The following RBFOX1 variants were observed in gnomAD, a reference collection of about 807,000 sequenced individuals.
The protein encoded by RBFOX1 is RNA binding fox-1 homolog 1, also known as RNA binding protein fox-1 homolog 1.
RBFOX1 carries 8 observed loss-of-function variants against 57.7 expected under a neutral mutation model. That is an observed-to-expected ratio of 0.14 (90% CI 0.08 to 0.25). RBFOX1 has a LOEUF of 0.25. RBFOX1 is among the 10% of genes least tolerant of loss of function. The pLI, the probability that RBFOX1 is intolerant of heterozygous loss-of-function variation, is 1.00. For synonymous variants in RBFOX1, 326 were observed against 222.4 expected, an observed-to-expected ratio of 1.47 and a Z score of -4.15; for missense variants, 611 against 548.5, an observed-to-expected ratio of 1.11 and a Z score of -1.14.
chr16:6,883,300 T>G (rs1292591882), intron 3 of RBFOX1, among the ~76,000 whole-genome samples: 1 of 152,214 alleles, frequency 6.6e-6, no homozygotes, highest in African/African-American at 2.4e-5. Context: ...ATGCTACTTT[T>G]TGTTGGAGCC....
chr16:6,346,537 C>A (rs888875033), intron 2 of RBFOX1, among the ~76,000 whole-genome samples: 3 of 152,184 alleles, frequency 2.0e-5, no homozygotes, highest in African/African-American at 7.2e-5. Flanking sequence ...GCTTCCCTAC[C>A]TCACTTCTGT....
chr16:7,083,104 G>T (rs2059445438), intron 4 of RBFOX1, among the ~76,000 whole-genome samples: 1 of 152,154 alleles, frequency 6.6e-6, no homozygotes, highest in African/African-American at 2.4e-5. Context: ...AAGGAACAAG[G>T]TTTGAGGAAT....
chr16:6,932,040 A>G (rs762125173), intron 3 of RBFOX1, among the ~76,000 whole-genome samples: 12 of 152,046 alleles, frequency 7.9e-5, no homozygotes, highest in South Asian at 2.1e-4. Context: ...TCCTGCAACA[A>G]TCCATTCTTG....
At chr16:7,469,733 A>G (rs1010965467) in intron 4 of RBFOX1, among the ~76,000 whole-genome samples, 9 of 152,178 alleles carry the variant, frequency 5.9e-5, no homozygotes, top group African/African-American at 2.2e-4. Flanking sequence ...TGTACAATTC[A>G]GTAGCATTAA....
intron 5 of RBFOX1, among the ~76,000 whole-genome samples, chr16:7,539,344 G>C (rs2082302728): frequency 6.6e-6 from 1 of 152,126 alleles, no homozygotes; most frequent in African/African-American, 2.4e-5. Context: ...ATTCCAGGAA[G>C]AGTGAAGAGT....
intron 3 of RBFOX1, among the ~76,000 whole-genome samples, chr16:6,964,145 G>A (rs371835368): frequency 1.3e-5 from 2 of 152,110 alleles, no homozygotes; most frequent in South Asian, 2.1e-4. Context: ...AGCCTCCCAA[G>A]TAGGTGAGAT....
chr16:5,567,289 C>T (rs2046107046), intron 2 of RBFOX1, among the ~76,000 whole-genome samples: 1 of 152,180 alleles, frequency 6.6e-6, no homozygotes, highest in African/African-American at 2.4e-5. Context: ...CGTCACTTTG[C>T]AGTGGCTGTG....
At chr16:6,291,069 G>T (rs2077418875) in intron 1 of RBFOX1, among the ~76,000 whole-genome samples, 1 of 152,146 alleles carries the variant, frequency 6.6e-6, no homozygotes, top group Non-Finnish European at 1.5e-5. Flanking sequence ...TGTTGCCATG[G>T]CATCTGTAAA....
intron 4 of RBFOX1, among the ~76,000 whole-genome samples, chr16:7,351,030 A>T (rs1487819849): frequency 6.6e-6 from 1 of 152,190 alleles, no homozygotes; most frequent in African/African-American, 2.4e-5. Context: ...GTGCCCATGG[A>T]CTAGGTTTTC....
At chr16:5,564,906 G>A (rs1007783608) in intron 2 of RBFOX1, among the ~76,000 whole-genome samples, 41 of 152,186 alleles carry the variant, frequency 2.7e-4, no homozygotes, top group East Asian at 1.2e-3. Flanking sequence ...GTGAGATGCC[G>A]GTGGAACACA....
intron 3 of RBFOX1, among the ~76,000 whole-genome samples, chr16:6,798,079 A>G (rs1204863135): frequency 6.6e-6 from 1 of 152,126 alleles, no homozygotes; most frequent in Non-Finnish European, 1.5e-5. Context: ...TAGAAAGACT[A>G]TAAATATATG....
intron 4 of RBFOX1, among the ~76,000 whole-genome samples, chr16:5,890,602 C>T (rs769116267): frequency 6.8e-6 from 1 of 147,206 alleles, no homozygotes; most frequent in Non-Finnish European, 1.5e-5. Context: ...GAGGCTGAAG[C>T]AGGAGAATCG....
intron 2 of RBFOX1, among the ~76,000 whole-genome samples, chr16:6,506,966 T>C (rs2096115650): frequency 6.6e-6 from 1 of 152,142 alleles, no homozygotes; most frequent in Non-Finnish European, 1.5e-5. Context: ...AGCTAATCTT[T>C]AGTGTGGGAT....
At chr16:5,455,926 A>G (rs964086094) in intron 1 of RBFOX1, among the ~76,000 whole-genome samples, 6 of 152,180 alleles carry the variant, frequency 3.9e-5, no homozygotes, top group African/African-American at 1.2e-4. Flanking sequence ...CATTAACCTA[A>G]GGCTTCCAGT....
At chr16:7,056,273 C>G (rs192765702) in intron 4 of RBFOX1, among the ~76,000 whole-genome samples, 8 of 152,282 alleles carry the variant, frequency 5.3e-5, no homozygotes, top group African/African-American at 1.9e-4. Flanking sequence ...TCGGTTGTTA[C>G]GCACACTACA....
chr16:6,116,962 T>C (rs2096502819), intron 1 of RBFOX1, among the ~76,000 whole-genome samples: 1 of 152,174 alleles, frequency 6.6e-6, no homozygotes, highest in South Asian at 2.1e-4. Flanking sequence ...ATAATCTCCG[T>C]TGGCAGATAC....
At chr16:7,278,184 A>G (rs554428223) in intron 4 of RBFOX1, among the ~76,000 whole-genome samples, 4 of 152,312 alleles carry the variant, frequency 2.6e-5, no homozygotes, top group Admixed American at 6.5e-5. Flanking sequence ...AATGGTTGAT[A>G]TGGTTATACT....
intron 3 of RBFOX1, among the ~76,000 whole-genome samples, chr16:5,806,039 G>A (rs1483852479): frequency 2.0e-5 from 3 of 152,142 alleles, no homozygotes; most frequent in African/African-American, 7.2e-5. Context: ...CCCATTGGGA[G>A]TGAGGAAACA....
At chr16:6,876,740 C>A (rs1277092034) in intron 3 of RBFOX1, among the ~76,000 whole-genome samples, 5 of 152,078 alleles carry the variant, frequency 3.3e-5, no homozygotes, top group Non-Finnish European at 7.3e-5. Flanking sequence ...ATAGTCCCTG[C>A]ATTGTAATTT....
Sources: gnomAD v4.1 joint callset for allele counts (sites outside exome capture counted in the v4.1 genomes callset) on GRCh38, gnomAD v4.1.1 for gene constraint, MANE v1.5 for transcripts, NCBI Gene and HGNC (gene_info 2026-07-23, HGNC 2026-07-21) for gene names.